KIZ: variants seen among roughly 807,000 people sequenced by gnomAD.
KIZ encodes centrosomal protein kizuna.
In KIZ, 68 loss-of-function variants were observed where a neutral mutation model predicts 79.6. The observed-to-expected ratio is 0.85, with a 90% CI of 0.70 to 1.05. The LOEUF (loss-of-function observed/expected upper bound fraction) is 1.05. Ranked by LOEUF, KIZ falls within the 50% of genes least tolerant of loss-of-function variation. The pLI is 0.00. For synonymous variants in KIZ, 280 were observed against 281.8 expected, an observed-to-expected ratio of 0.99 and a Z score of 0.06; for missense variants, 797 against 800.4, an observed-to-expected ratio of 1.00 and a Z score of 0.05.
intron 4 of KIZ, chr20:21,148,750 A>G (rs989175330): frequency 4.6e-5 from 7 of 152,148 alleles, no homozygotes; most frequent in African/African-American, 1.7e-4. Context: ...ATAGGGTTGT[A>G]AGGTTTCTTT....
chr20:21,189,766 C>T (rs564450380), intron 6 of KIZ, among the ~76,000 whole-genome samples: 6 of 152,236 alleles, frequency 3.9e-5, no homozygotes, highest in African/African-American at 1.4e-4. Flanking sequence ...AGAAGGAGCC[C>T]TTGTTTCCTG....
chr20:21,140,982 G>A (rs2032488444), intron 3 of KIZ, among the ~76,000 whole-genome samples: 1 of 151,852 alleles, frequency 6.6e-6, no homozygotes, highest in South Asian at 2.1e-4. Context: ...GTCTAGCCCT[G>A]GCGACAGAGC....
chr20:21,231,520 C>G (rs1430495680), intron 10 of KIZ, among the ~76,000 whole-genome samples: 1 of 152,154 alleles, frequency 6.6e-6, no homozygotes, highest in Admixed American at 6.5e-5. Context: ...GCCCCATACT[C>G]AAAATTACAC....
intron 11 of KIZ, among the ~76,000 whole-genome samples, chr20:21,238,260 C>T (rs1310351719): frequency 1.3e-5 from 2 of 151,508 alleles, no homozygotes; most frequent in Non-Finnish European, 2.9e-5. Context: ...TACAAGTTCC[C>T]TCACTTCTGT....
chr20:21,242,969 C>G (rs545606493), intron 11 of KIZ, among the ~76,000 whole-genome samples: 4 of 152,278 alleles, frequency 2.6e-5, no homozygotes, highest in African/African-American at 9.6e-5. Flanking sequence ...AATCCACCCT[C>G]CCCTGCAGCA....
chr20:21,193,448 C>G (rs966212113), intron 6 of KIZ, among the ~76,000 whole-genome samples: 1 of 152,136 alleles, frequency 6.6e-6, no homozygotes, highest in South Asian at 2.1e-4. Flanking sequence ...TTAAAAATCC[C>G]TGTACCTTGG....
At position 21,155,247 on chromosome 20, in the gene KIZ, G is replaced by A. The variant is rs370017609; in HGVS notation, c.406-6624G>A. Among the ~76,000 whole-genome samples the A allele has an allele frequency of 5.7e-4, 87 of 152,210 alleles. No homozygotes were observed. The South Asian group carries it at 0.017, about 30-fold the overall frequency. On this transcript the variant is annotated intron_variant, in intron 4 of 12. Coordinates refer to ENST00000619189, the MANE Select transcript of KIZ (RefSeq NM_018474.6). Reference sequence around the variant, plus strand: ...GTTTATAGCAGCATTATTCATAGTAGCCAAAAAGTGGACACAATTTACATG... The same window carrying A: ...GTTTATAGCAGCATTATTCATAGTAACCAAAAAGTGGACACAATTTACATG...
In KIZ at chr20:21,162,382, G is replaced by T; in HGVS notation, c.917G>T (p.Arg306Leu). The T allele has an allele frequency of 1.9e-6, 3 of 1,613,738 alleles. No individual in the cohort carries two copies. Among genetic ancestry groups the T allele is most frequent in the African/African-American group, 1.3e-5 (1 of 75,016 alleles). ...GGATCAGAGGGAGAAATACTGACAC[G>T]GGAACATATTGAAGTTGAGGAAAAA... The part of the protein sequence containing the change: ...SSGSEGEILT[R>L]EHIEVEEKRA... The change falls in exon 5 of 13, where the codon CGG (arginine) becomes CTG (leucine). Residue 306 changes from arginine to leucine, a missense_variant. Transcript: ENST00000619189.
At chr20:21,135,094 C>G (rs909293800) in intron 2 of KIZ, among the ~76,000 whole-genome samples, 7 of 152,176 alleles carry the variant, frequency 4.6e-5, no homozygotes, top group Admixed American at 4.6e-4. Flanking sequence ...CACGTATTTA[C>G]TTATTTCATT....
At chr20:21,205,630 C>A in intron 7 of KIZ, 46 bp downstream of exon 7, 4 of 816,656 alleles carry the variant, frequency 4.9e-6, no homozygotes, top group South Asian at 4.8e-5. Context: ...CAAATGTGGA[C>A]CACAGGGTAA....
At chr20:21,130,961 T>A (rs1313155145) in intron 1 of KIZ, among the ~76,000 whole-genome samples, 1 of 152,258 alleles carries the variant, frequency 6.6e-6, no homozygotes, top group African/African-American at 2.4e-5. Context: ...GGAGTCCTTA[T>A]CTTTATTTCA....
At chr20:21,246,322 C>G (rs1361442778) in intron 12 of KIZ, 157 bp from the exon 13 acceptor site, 1 of 631,472 alleles carries the variant, frequency 1.6e-6, no homozygotes, top group Non-Finnish European at 2.8e-6. Flanking sequence ...GTATGACATG[C>G]ATTTGGGTGT....
At chr20:21,224,115 TC>T (rs1278312035) in intron 9 of KIZ, among the ~76,000 whole-genome samples, 3 of 152,142 alleles carry the variant, frequency 2.0e-5, no homozygotes, top group Non-Finnish European at 2.9e-5. Flanking sequence ...TGCCTCAACC[TC>T]CCGTGTAGCT....
intron 11 of KIZ, among the ~76,000 whole-genome samples, chr20:21,235,778 C>T (rs1447188418): frequency 1.3e-5 from 2 of 152,238 alleles, no homozygotes; most frequent in Non-Finnish European, 2.9e-5. Context: ...CGCCACTGTA[C>T]CCTGGCAGGG....
At chr20:21,179,369 A>G (rs977391252) in intron 6 of KIZ, among the ~76,000 whole-genome samples, 2 of 151,400 alleles carry the variant, frequency 1.3e-5, no homozygotes, top group African/African-American at 4.8e-5. Flanking sequence ...TTGGTTTGTA[A>G]TAGTTTATAT....
chr20:21,179,077 G>A (rs982946041), intron 6 of KIZ, among the ~76,000 whole-genome samples: 3 of 151,962 alleles, frequency 2.0e-5, no homozygotes, highest in Admixed American at 6.6e-5. Flanking sequence ...GGTAATGCGG[G>A]CCTAATAAAA....
Position 21,162,037 on chromosome 20 carries a change from C to A in KIZ, c.572C>A (p.Pro191Gln). 2.5e-6 allele frequency: 4 copies of A among 1,613,916 alleles called. No individual in the cohort carries two copies. The highest frequency in any genetic ancestry group is 3.4e-6 in the Non-Finnish European group (4 of 1,179,848). ...QPTKNFSIPD[P>Q]HSHRQTAQSS... Reference sequence around the variant, plus strand: ...ACAAAGAACTTTTCAATTCCTGACCCACATTCACACCGACAGACAGCCCAG... The same window carrying A: ...ACAAAGAACTTTTCAATTCCTGACCAACATTCACACCGACAGACAGCCCAG... Residue 191 changes from proline (P) to glutamine (Q), a missense_variant, in exon 5 of 13, where the codon CCA (proline) becomes CAA (glutamine). Coordinates refer to ENST00000619189, the MANE Select transcript of KIZ (RefSeq NM_018474.6).
intron 2 of KIZ, among the ~76,000 whole-genome samples, chr20:21,132,464 AG>A (rs2031914377): frequency 6.6e-6 from 1 of 152,124 alleles, no homozygotes; most frequent in Non-Finnish European, 1.5e-5. Flanking sequence ...TATTTTTAGT[AG>A]AGACTGGGTT....
chr20:21,209,560 T>C (rs1459493485), intron 7 of KIZ, among the ~76,000 whole-genome samples: 1 of 75,918 alleles, frequency 1.3e-5, no homozygotes, highest in Non-Finnish European at 2.7e-5. Context: ...TGCTGGGTCA[T>C]ATGAATATCT....
Sources: allele counts gnomAD v4.1 joint callset (sites outside exome capture counted in the v4.1 genomes callset), GRCh38; gene constraint gnomAD v4.1.1; transcripts MANE v1.5; gene names NCBI Gene and HGNC (gene_info 2026-07-23, HGNC 2026-07-21).